CDH17: variants seen among roughly 807,000 people sequenced by gnomAD.
CDH17 encodes cadherin-17.
A neutral mutation model predicts 86.3 loss-of-function variants in CDH17; 67 were observed. The ratio of observed to expected loss-of-function variants is 0.78; its 90% confidence interval spans 0.64 to 0.95. The LOEUF (loss-of-function observed/expected upper bound fraction) is 0.95. CDH17 is among the 40% of genes least tolerant of loss of function. The pLI is 0.00. For synonymous variants in CDH17, 367 were observed against 366.4 expected (o/e 1.00, Z -0.02); for missense variants, 993 against 1,017.6 (o/e 0.98, Z 0.33).
At chr8:94,148,985 AT>A (rs1360945903) in intron 13 of CDH17, 111 bp from the exon 14 acceptor site, 2 of 774,972 alleles carry the variant, frequency 2.6e-6, no homozygotes, top group African/African-American at 3.6e-5. Flanking sequence ...TATGTTGTAA[AT>A]AATATACAAA....
At chr8:94,139,738 A>C (rs1812600602) in intron 15 of CDH17, among the ~76,000 whole-genome samples, 1 of 152,012 alleles carries the variant, frequency 6.6e-6, no homozygotes, top group Admixed American at 6.5e-5. Context: ...CCCTGTCTCT[A>C]CTAAAAATAC....
chr8:94,149,732 C>A (rs890544000), intron 13 of CDH17, among the ~76,000 whole-genome samples: 5 of 152,148 alleles, frequency 3.3e-5, no homozygotes, highest in Non-Finnish European at 4.4e-5. Context: ...TCACAAGAAG[C>A]AATGGGCAGC....
upstream of CDH17, among the ~76,000 whole-genome samples, chr8:94,209,346 T>C (rs1368119578): frequency 6.6e-6 from 1 of 152,220 alleles, no homozygotes; most frequent in Non-Finnish European, 1.5e-5. Flanking sequence ...ATCAATGTCA[T>C]GTCTGTGTCT....
chr8:94,170,468 T>A lies in CDH17; in HGVS notation c.995A>T (p.Asp332Val). 1 of 1,613,842 alleles carries A rather than the reference T, an allele frequency of 6.2e-7. No homozygotes were observed. The highest frequency in any genetic ancestry group is 1.1e-5 in the South Asian group (1 of 91,080). ...YPLEIHVKVK[D>V]INDNPPTCPS... ...ACATGTAGGTGGATTATCATTAATA[T>A]CTTTAACTTTTACATGAATTTCCAG... The change falls in exon 9 of 18, where the codon GAT (aspartate) becomes GTT (valine). Residue 332 changes from aspartate to valine, a missense_variant. Coordinates refer to ENST00000027335, the MANE Select transcript of CDH17 (RefSeq NM_004063.4).
At chr8:94,164,802 C>G (rs1813122589) in intron 10 of CDH17, among the ~76,000 whole-genome samples, 1 of 152,192 alleles carries the variant, frequency 6.6e-6, no homozygotes, top group Non-Finnish European at 1.5e-5. Context: ...TGAAATGAGT[C>G]TGTCTTTGAA....
intron 5 of CDH17, among the ~76,000 whole-genome samples, chr8:94,174,940 T>TA (rs1434857184): frequency 8.5e-5 from 13 of 152,290 alleles, no homozygotes; most frequent in African/African-American, 3.1e-4. Flanking sequence ...AATAATTTTT[T>TA]AAAATTTCTA....
At chr8:94,153,838 T>A (rs1283063463) in intron 12 of CDH17, among the ~76,000 whole-genome samples, 1 of 152,148 alleles carries the variant, frequency 6.6e-6, no homozygotes, top group Middle Eastern at 3.2e-3. Context: ...GTATGTGGAA[T>A]CTAAAGGTGT....
chr8:94,146,368 C>T (rs935694663), intron 14 of CDH17, among the ~76,000 whole-genome samples: 12 of 152,192 alleles, frequency 7.9e-5, no homozygotes, highest in Non-Finnish European at 1.8e-4. Context: ...GAGATATGTG[C>T]TAATATTTTA....
intron 5 of CDH17, among the ~76,000 whole-genome samples, chr8:94,174,961 T>C (rs1187480940): frequency 6.6e-6 from 1 of 152,208 alleles, no homozygotes; most frequent in East Asian, 1.9e-4. Flanking sequence ...ATATAGTAAA[T>C]GTTGATAGAT....
intron 15 of CDH17, among the ~76,000 whole-genome samples, chr8:94,138,470 C>T (rs1054116160): frequency 6.6e-6 from 1 of 152,112 alleles, no homozygotes; most frequent in Non-Finnish European, 1.5e-5. Context: ...AGACAGAGCC[C>T]AGTGATGTCC....
At chr8:94,170,253 C>T (rs142671899) in intron 9 of CDH17, 144 bp downstream of exon 9, 190 of 794,612 alleles carry the variant, frequency 2.4e-4, no homozygotes, top group Non-Finnish European at 3.3e-4. Context: ...ACGGTCCTTA[C>T]GTGACTCCCA....
Position 94,162,101 on chromosome 8 carries a change from G to T in CDH17, c.1344C>A (p.Ile448=), listed in dbSNP as rs367999270. The T allele has an allele frequency of 1.4e-5, 23 of 1,595,896 alleles. No individual in the cohort carries two copies. Among genetic ancestry groups the T allele is most frequent in the Non-Finnish European group, 1.7e-5 (20 of 1,163,726 alleles). Residue 448 remains isoleucine, a synonymous_variant, in exon 11 of 18, where the codon ATC becomes ATA. Coordinates refer to ENST00000027335, the MANE Select transcript of CDH17 (RefSeq NM_004063.4). The part of the protein sequence containing the change: ...NVIDINDQIP[I]FEKSDYGNLT... Reference sequence around the variant, plus strand: ...AACTACTCACATCTGATTTTTCAAAGATGGGGATCTGATCATTGATATCAA... The same window carrying T: ...AACTACTCACATCTGATTTTTCAAATATGGGGATCTGATCATTGATATCAA...
intron 12 of CDH17, among the ~76,000 whole-genome samples, chr8:94,157,309 A>G (rs1019108682): frequency 1.3e-5 from 2 of 152,244 alleles, no homozygotes; most frequent in Non-Finnish European, 2.9e-5. Flanking sequence ...AGACAAAGCC[A>G]TACATAAAAA....
Position 94,189,066 on chromosome 8 carries a change from T to C in CDH17, c.150+121A>G, listed in dbSNP as rs1813635118. The C allele has an allele frequency of 1.1e-5, 8 of 726,754 alleles. No homozygotes were observed. The South Asian group carries it at 1.3e-4, about 12-fold the overall frequency. 45.0% of individuals were successfully genotyped at this position (726,754 alleles called of 1,614,324 possible). On this transcript the variant is annotated intron_variant, in intron 3 of 17. Transcript: ENST00000027335. ...CTGTTTAACTTAGCTTCTGAAATCATTCTTGATAATGAGAATGCCATGCCT... is the reference window on the plus strand; with the variant it reads ...CTGTTTAACTTAGCTTCTGAAATCACTCTTGATAATGAGAATGCCATGCCT...
intron 12 of CDH17, among the ~76,000 whole-genome samples, chr8:94,159,184 G>A (rs1477453007): frequency 6.6e-6 from 1 of 152,074 alleles, no homozygotes; most frequent in African/African-American, 2.4e-5. Flanking sequence ...TCAAGATTCA[G>A]GTATACATGG....
Position 94,170,967 on chromosome 8 carries a change from C to A in CDH17, c.802G>T (p.Gly268Cys), listed in dbSNP as rs371108981. ...TTGTCAACTAAGGAATATTGTGCAC[C>A]GGGATCATTCCACCGCACCTACAGG... ...KITQVRWNDP[G>C]AQYSLVDKEK... is the part of the protein sequence containing the mutation. Residue 268 changes from glycine to cysteine, a missense_variant, in exon 8 of 18, where the codon GGT becomes TGT. Transcript: ENST00000027335. The A allele has an allele frequency of 1.2e-6, 2 of 1,613,440 alleles. No individual in the cohort carries two copies. Among genetic ancestry groups the A allele is most frequent in the South Asian group, 2.2e-5 (2 of 91,014 alleles).
chr8:94,187,387 C>A (rs939935497), intron 3 of CDH17, among the ~76,000 whole-genome samples: 1 of 152,202 alleles, frequency 6.6e-6, no homozygotes, highest in Admixed American at 6.5e-5. Context: ...CTCACCGGAG[C>A]AGGGATGGAG....
At chr8:94,196,479 T>C (rs942682965) in intron 1 of CDH17, among the ~76,000 whole-genome samples, 1 of 152,026 alleles carries the variant, frequency 6.6e-6, no homozygotes, top group African/African-American at 2.4e-5. Flanking sequence ...CCGAGGCAGG[T>C]GGGTTGCTTG....
intron 1 of CDH17, among the ~76,000 whole-genome samples, chr8:94,215,766 T>G (rs1814184267): frequency 6.6e-6 from 1 of 152,194 alleles, no homozygotes; most frequent in Non-Finnish European, 1.5e-5. Flanking sequence ...CTAAACATTT[T>G]CAGTTACCTC....
Sources: gnomAD v4.1 joint callset for allele counts (sites outside exome capture counted in the v4.1 genomes callset) on GRCh38, gnomAD v4.1.1 for gene constraint, MANE v1.5 for transcripts, NCBI Gene and HGNC (gene_info 2026-07-23, HGNC 2026-07-21) for gene names.